Variants in R3HDM2 observed in about 807,000 individuals in gnomAD.
R3HDM2 encodes R3H domain-containing protein 2.
A neutral mutation model predicts 124.5 loss-of-function variants in R3HDM2; 38 were observed. The observed-to-expected ratio is 0.31, with a 90% CI of 0.24 to 0.40. R3HDM2 has a LOEUF of 0.40. Ranked by LOEUF, R3HDM2 falls within the 10% of genes least tolerant of loss-of-function variation. The probability of loss-of-function intolerance (pLI) is 1.00; values close to 1 mark genes in which losing one functional copy is unlikely to be tolerated. For missense variants in R3HDM2, 869 were observed against 1,236.9 expected, an observed-to-expected ratio of 0.70 and a Z score of 4.46; for synonymous variants, 391 against 448.0, an observed-to-expected ratio of 0.87 and a Z score of 1.61.
chr12:57,333,269 AAGAG>A (rs1328899952), intron 2 of R3HDM2, among the ~76,000 whole-genome samples: 2 of 152,202 alleles, frequency 1.3e-5, no homozygotes, highest in Non-Finnish European at 2.9e-5. Flanking sequence ...CTCCAGACCA[AAGAG>A]AGAGACAACT....
chr12:57,276,595 A>G (rs1484179964), intron 14 of R3HDM2, among the ~76,000 whole-genome samples: 2 of 152,224 alleles, frequency 1.3e-5, no homozygotes, highest in Non-Finnish European at 2.9e-5. Flanking sequence ...AGGCATAAGA[A>G]TGATAAAATG....
At chr12:57,402,719 G>A (rs1023213881) in intron 1 of R3HDM2, among the ~76,000 whole-genome samples, 2 of 151,838 alleles carry the variant, frequency 1.3e-5, no homozygotes, top group African/African-American at 4.8e-5. Context: ...GCAGTGAGCT[G>A]AGATCACAGC....
intron 14 of R3HDM2, chr12:57,272,323 A>C: frequency 1.3e-6 from 1 of 777,296 alleles, no homozygotes. Context: ...TGGTCCCTCA[A>C]GAAGAAATAG....
chr12:57,365,417 G>C (rs944120741), intron 2 of R3HDM2, among the ~76,000 whole-genome samples: 1 of 152,010 alleles, frequency 6.6e-6, no homozygotes, highest in African/African-American at 2.4e-5. Flanking sequence ...ATTTTAGGAG[G>C]GCTCAATTCA....
At chr12:57,356,256 T>C (rs2061279726) in intron 2 of R3HDM2, among the ~76,000 whole-genome samples, 1 of 152,220 alleles carries the variant, frequency 6.6e-6, no homozygotes, top group African/African-American at 2.4e-5. Flanking sequence ...TATTCAGAGT[T>C]TTTAACATGA....
At chr12:57,294,133 C>G (rs940334710) in intron 10 of R3HDM2, among the ~76,000 whole-genome samples, 23 of 152,282 alleles carry the variant, frequency 1.5e-4, no homozygotes, top group East Asian at 3.9e-4. Flanking sequence ...ATAATGCATA[C>G]AAATGTGTTT....
At position 57,269,952 on chromosome 12, in the gene R3HDM2, G is replaced by T. The variant is rs148173879; in HGVS notation, c.1387C>A (p.Arg463Ser). The change falls in exon 15 of 24, where the codon CGC becomes AGC. Residue 463 changes from arginine (R) to serine (S), a missense_variant. Arg to Ser is a moderately radical substitution (Grantham distance 110, BLOSUM62 -1). Transcript: ENST00000402412. ...TCAGCTGCTTCAGTAGAACCTTGGC[G>T]ACTAAGGCTCATTTGTCCAAAGGGG... Reference protein sequence around the residue: ...SNPFGQMSLSRQGSTEAADPS... With the variant: ...SNPFGQMSLSSQGSTEAADPS... 6.2e-7 allele frequency: 1 copy of T among 1,614,150 alleles called. No homozygotes were observed. Among genetic ancestry groups the T allele is most frequent in the South Asian group, 1.1e-5 (1 of 91,068 alleles).
intron 2 of R3HDM2, among the ~76,000 whole-genome samples, 163 bp from the exon 3 acceptor site, chr12:57,310,626 A>G (rs749942701): frequency 6.6e-6 from 1 of 152,204 alleles, no homozygotes; most frequent in Non-Finnish European, 1.5e-5. Context: ...TTTAAAAAAA[A>G]AAAACTTTAT....
intron 1 of R3HDM2, chr12:57,430,489 G>GGCCCCCCCCCCCCCCCCCC: frequency 3.8e-6 from 3 of 790,574 alleles, no homozygotes; most frequent in Non-Finnish European, 4.6e-6. Context: ...CCACCCCCCT[G>GGCCCCCCCCCCCCCCCCCC]CCCCCGCACC....
At chr12:57,293,723 G>A (rs1435977150) in intron 10 of R3HDM2, among the ~76,000 whole-genome samples, 3 of 152,180 alleles carry the variant, frequency 2.0e-5, no homozygotes, top group Non-Finnish European at 2.9e-5. Context: ...GGCTTTGAAA[G>A]CTTCACATGA....
At chr12:57,268,533 G>T in intron 17 of R3HDM2, 76 bp from the exon 18 acceptor site, 2 of 1,469,966 alleles carry the variant, frequency 1.4e-6, no homozygotes, top group Non-Finnish European at 1.9e-6. Context: ...TAGTCATCAC[G>T]AGATCAGGGC....
At chr12:57,310,865 A>G (rs368443207) in intron 2 of R3HDM2, among the ~76,000 whole-genome samples, 2 of 152,294 alleles carry the variant, frequency 1.3e-5, no homozygotes, top group South Asian at 2.1e-4. Flanking sequence ...AGAATTTTAT[A>G]TAAATGGAAT....
intron 11 of R3HDM2, among the ~76,000 whole-genome samples, chr12:57,291,922 A>G (rs1330845489): frequency 1.3e-5 from 2 of 152,208 alleles, no homozygotes; most frequent in Non-Finnish European, 2.9e-5. Context: ...CCACACATTT[A>G]AGAGTAACAT....
chr12:57,344,241 G>A (rs1385816846), intron 2 of R3HDM2, among the ~76,000 whole-genome samples: 1 of 152,082 alleles, frequency 6.6e-6, no homozygotes, highest in African/African-American at 2.4e-5. Context: ...ATACATGCAA[G>A]GCAGATCTAA....
intron 2 of R3HDM2, among the ~76,000 whole-genome samples, chr12:57,387,652 T>C (rs190800521): frequency 6.6e-6 from 1 of 152,368 alleles, no homozygotes; most frequent in East Asian, 1.9e-4. Flanking sequence ...GGGGTTCTGA[T>C]ACCAGAAAGT....
At position 57,397,513 on chromosome 12, in the gene R3HDM2, G is replaced by GT. The variant is rs199753363; in HGVS notation, c.-105-1696dup. On this transcript the variant is annotated intron_variant, in intron 1 of 23. Coordinates refer to ENST00000402412, the MANE Select transcript of R3HDM2 (RefSeq NM_001394031.1). ...CAAAGGTTTCTATGAAAAAGTTCTA[G>GT]TTTTTTTTTATAGCCCCTGCACATC... 1.1e-4 allele frequency among the ~76,000 whole-genome samples: 17 copies of GT among 151,702 alleles called. 2 individuals carry two copies. The South Asian group carries it at 1.7e-3, about 15-fold the overall frequency.
chr12:57,360,041 ATATATATTTTTT>A, intron 2 of R3HDM2, among the ~76,000 whole-genome samples: 2 of 85,084 alleles, frequency 2.4e-5, no homozygotes, highest in African/African-American at 8.4e-5. Flanking sequence ...ATATATATAT[ATATATATTTTTT>A]TTTTTTTTTT....
At chr12:57,419,351 G>C (rs1464477289) in intron 1 of R3HDM2, among the ~76,000 whole-genome samples, 2 of 151,548 alleles carry the variant, frequency 1.3e-5, no homozygotes, top group Non-Finnish European at 2.9e-5. Flanking sequence ...TATCAGGTTG[G>C]CCAGGCTGGT....
chr12:57,346,534 AACTATAAAT>A (rs1268060481), intron 2 of R3HDM2, among the ~76,000 whole-genome samples: 4 of 152,314 alleles, frequency 2.6e-5, no homozygotes, highest in African/African-American at 9.6e-5. Context: ...TAAATGAAAG[AACTATAAAT>A]ACAGTATTCT....
Sources: allele counts gnomAD v4.1 joint callset (sites outside exome capture counted in the v4.1 genomes callset), GRCh38; gene constraint gnomAD v4.1.1; transcripts MANE v1.5; gene names NCBI Gene and HGNC (gene_info 2026-07-23, HGNC 2026-07-21).